The following FAM3B variants were observed in gnomAD, a reference collection of about 807,000 sequenced individuals.
FAM3B encodes the protein FAM3 metabolism regulating signaling molecule B.
FAM3B carries 29 observed loss-of-function variants against 28.4 expected under a neutral mutation model. That is an observed-to-expected ratio of 1.02 (90% CI 0.76 to 1.39). The LOEUF (loss-of-function observed/expected upper bound fraction) is 1.39, where lower values mean the gene tolerates loss of function less well. Among genes scored for constraint, FAM3B ranks in the 40% most tolerant of loss-of-function variants. The pLI is 0.00. For synonymous variants in FAM3B, 91 were observed against 103.0 expected, an observed-to-expected ratio of 0.88 and a Z score of 0.71; for missense variants, 266 against 293.9, an observed-to-expected ratio of 0.91 and a Z score of 0.69.
chr21:41,319,058 A>G (rs2088777142), intron 1 of FAM3B, among the ~76,000 whole-genome samples: 1 of 152,058 alleles, frequency 6.6e-6, no homozygotes, highest in South Asian at 2.1e-4. Flanking sequence ...ATGCCCAGCT[A>G]ATTTTTTTAA....
chr21:41,349,929 C>G (rs745315703), intron 7 of FAM3B, among the ~76,000 whole-genome samples: 1 of 152,020 alleles, frequency 6.6e-6, no homozygotes, highest in Non-Finnish European at 1.5e-5. Flanking sequence ...GCCCTGGCCT[C>G]GACCCCTCCT....
At chr21:41,322,704 G>A (rs1189458415) in intron 1 of FAM3B, 1 of 733,476 alleles carries the variant, frequency 1.4e-6, no homozygotes, top group Non-Finnish European at 2.5e-6. Flanking sequence ...AACTTGCCCT[G>A]GAAAGCATTC....
chr21:41,328,796 G>A (rs1362411972), intron 2 of FAM3B, among the ~76,000 whole-genome samples: 1 of 152,176 alleles, frequency 6.6e-6, no homozygotes. Context: ...TCTGAAGGAG[G>A]GGAGCCAGCC....
intron 1 of FAM3B, among the ~76,000 whole-genome samples, chr21:41,304,476 G>A (rs1028904164): frequency 2.0e-5 from 3 of 152,184 alleles, no homozygotes; most frequent in Admixed American, 1.3e-4. Flanking sequence ...TTGCGGCTGC[G>A]CGTGCAGTCG....
intron 1 of FAM3B, among the ~76,000 whole-genome samples, chr21:41,317,465 G>A (rs1002999168): frequency 1.2e-4 from 18 of 152,178 alleles, no homozygotes; most frequent in African/African-American, 4.1e-4. Flanking sequence ...ACCAGTCATC[G>A]CGTTTCTTGC....
rs754894265 is a variant in FAM3B at position 41,323,045 on chromosome 21, G to A, written c.142G>A (p.Gly48Arg). Residue 48 changes from glycine (G) to arginine (R), a missense_variant, in exon 2 of 8, where the codon GGG (glycine) becomes AGG (arginine). Physicochemically the swap from Gly to Arg is moderately radical, Grantham distance 125. Transcript: ENST00000357985. Reference sequence around the variant, plus strand: ...TGCTGCCTATAGCATCCGCAGCATCGGGGAGAGGCCTGTCCTCAAAGGTGA... The same window carrying A: ...TGCTGCCTATAGCATCCGCAGCATCAGGGAGAGGCCTGTCCTCAAAGGTGA... ...SSAAYSIRSI[G>R]ERPVLKAPVP... The A allele has an allele frequency of 4.4e-6, 7 of 1,606,110 alleles. No homozygotes were observed. Among genetic ancestry groups the A allele is most frequent in the Admixed American group, 3.3e-5 (2 of 60,016 alleles).
chr21:41,350,691 C>T (rs1462814447), intron 7 of FAM3B, among the ~76,000 whole-genome samples: 1 of 152,242 alleles, frequency 6.6e-6, no homozygotes, highest in Non-Finnish European at 1.5e-5. Context: ...CCTGGAGATT[C>T]TGATGCACGG....
Position 41,357,105 on chromosome 21 carries a change from C to T in FAM3B, c.619-3C>T. On this transcript the variant is annotated splice_polypyrimidine_tract_variant and splice_region_variant and intron_variant, in intron 7 of 7. Transcript: ENST00000357985. ...AAATAAAACTCTTCTTTTCTCTACA[C>T]AGATCAACCACTCTGATGCTAAGAA... The T allele has an allele frequency of 6.2e-7, 1 of 1,608,406 alleles. No homozygotes were observed. Among genetic ancestry groups the T allele is most frequent in the Middle Eastern group, 1.7e-4 (1 of 6,042 alleles).
At chr21:41,346,971 T>C (rs771976008) in intron 5 of FAM3B, 42 bp from the exon 6 acceptor site, 1 of 1,576,910 alleles carries the variant, frequency 6.3e-7, no homozygotes, top group Non-Finnish European at 8.7e-7. Flanking sequence ...AGAGCCTCAG[T>C]GAACAGCAAA....
At chr21:41,306,327 A>G (rs2088683005) in intron 1 of FAM3B, among the ~76,000 whole-genome samples, 1 of 152,232 alleles carries the variant, frequency 6.6e-6, no homozygotes, top group Non-Finnish European at 1.5e-5. Flanking sequence ...ACCTCCTCCC[A>G]TGAATCACAA....
In FAM3B at chr21:41,347,749, C is replaced by CAAAAA. The variant is rs60227162; in HGVS notation, c.485+665_485+669dup. Among the ~76,000 whole-genome samples the CAAAAA allele has an allele frequency of 6.9e-3, 590 of 85,406 alleles. 4 individuals are homozygous for CAAAAA. The highest frequency in any genetic ancestry group is 0.018 in the African/African-American group (547 of 31,084). 56.0% of individuals were successfully genotyped at this position (85,406 alleles called of 152,430 possible). ...GCCCGGTGACAGAGCGAGACTGTCTCAAAAAAAAAAAAAAAAAAAAGAGGA... is the reference window on the plus strand; with the variant it reads ...GCCCGGTGACAGAGCGAGACTGTCTCAAAAAAAAAAAAAAAAAAAAAAAAAGAGGA... On this transcript the variant is annotated intron_variant, in intron 6 of 7. Transcript: ENST00000357985.
Position 41,316,868 on chromosome 21 carries a change from G to A in FAM3B, c.-12G>A. The A allele has an allele frequency of 7.0e-7, 1 of 1,419,316 alleles. No homozygotes were observed. The highest frequency in any genetic ancestry group is 9.2e-7 in the Non-Finnish European group (1 of 1,088,978). The allele number at this position is 1,419,316 out of a possible 1,614,324, so 87.9% of individuals were successfully genotyped here. A position where few individuals can be genotyped will look rare whatever the true frequency, so the allele number is the denominator to read the frequency against. On this transcript the variant is annotated 5_prime_UTR_variant, in exon 1 of 8. Transcript: ENST00000357985. ...CTGCCGCCAGGGCCAGGAGGGGAGC[G>A]GCACCTGGAAGATGCGCCCATTGGC...
chr21:41,344,592 A>G, intron 4 of FAM3B, 58 bp downstream of exon 4: 3 of 1,506,492 alleles, frequency 2.0e-6, no homozygotes, highest in Non-Finnish European at 1.8e-6. Context: ...CAGATTTTCA[A>G]AGGTACCTTG....
At chr21:41,304,270 C>A (rs748125445) in exon 1 of FAM3B, 5 of 456,032 alleles carry the variant, frequency 1.1e-5, no homozygotes, top group South Asian at 4.6e-5. Context: ...CACCCTGGCG[C>A]CATCTTTTTC....
intron 7 of FAM3B, among the ~76,000 whole-genome samples, chr21:41,354,710 A>G (rs2089150274): frequency 6.6e-6 from 1 of 152,182 alleles, no homozygotes; most frequent in South Asian, 2.1e-4. Context: ...GAGAAAGAGA[A>G]TCAGGAAAAA....
intron 1 of FAM3B, among the ~76,000 whole-genome samples, chr21:41,307,083 G>A (rs9976433): frequency 0.21 from 32,500 of 152,142 alleles, 3,945 homozygotes; most frequent in East Asian, 0.54. Context: ...CCAATATAAG[G>A]CTGTTTGTCT....
In FAM3B at chr21:41,306,870, A is replaced by G. The variant is rs1348478156; in HGVS notation, n.99+2560A>G. ...TCATCATCTGAATAGTGTACATTGT[A>G]TGCAATAGGTAGTATTTCATCCCTC... is the stretch of plus-strand genomic sequence containing the variant. On this transcript the variant is annotated intron_variant and non_coding_transcript_variant, in intron 1 of 9. Transcript: ENST00000479810. Among the ~76,000 whole-genome samples, 4 of 152,230 alleles carry G rather than the reference A, an allele frequency of 2.6e-5. No homozygotes were observed. The South Asian group carries it at 8.3e-4, about 32-fold the overall frequency.
intron 4 of FAM3B, 108 bp downstream of exon 4, chr21:41,344,642 T>C: frequency 1.3e-6 from 1 of 789,588 alleles, no homozygotes; most frequent in Non-Finnish European, 2.1e-6. Flanking sequence ...TCTAGGTTTG[T>C]ATTTTAATGC....
rs191334239 is a variant in FAM3B, at chr21:41,318,424, C to T, written c.19+1526C>T. On this transcript the variant is annotated intron_variant, in intron 1 of 7. Coordinates refer to ENST00000357985, the MANE Select transcript of FAM3B (RefSeq NM_058186.4). ...GGCCTGGTAGTGGGTATCGTAATAC[C>T]TTGAAGTGGGCGTTGGCCTGTGGAC... Among the ~76,000 whole-genome samples the T allele has an allele frequency of 9.2e-5, 14 of 152,288 alleles. No homozygotes were observed. In the East Asian group the frequency reaches 1.9e-3, roughly 21 times the overall value.
Sources: gnomAD v4.1 joint callset for allele counts (sites outside exome capture counted in the v4.1 genomes callset) on GRCh38, gnomAD v4.1.1 for gene constraint, MANE v1.5 for transcripts, NCBI Gene and HGNC (gene_info 2026-07-23, HGNC 2026-07-21) for gene names.